The following TBC1D4 variants were observed in gnomAD, a reference collection of about 807,000 sequenced individuals.
TBC1D4 encodes TBC (Tre-2, BUB2, CDC16) domain-containing protein.
In TBC1D4, 121 loss-of-function variants were observed where a neutral mutation model predicts 142.5. The observed-to-expected ratio is 0.85, with a 90% CI of 0.73 to 0.99. The LOEUF is 0.99. Ranked by LOEUF, TBC1D4 falls within the 50% of genes least tolerant of loss-of-function variation. TBC1D4 has a pLI of 0.00. For synonymous variants in TBC1D4, 630 were observed against 628.2 expected, an observed-to-expected ratio of 1.00 and a Z score of -0.04; for missense variants, 1,475 against 1,606.6, an observed-to-expected ratio of 0.92 and a Z score of 1.40.
intron 1 of TBC1D4, among the ~76,000 whole-genome samples, chr13:75,475,261 T>C (rs904551361): frequency 2.6e-5 from 4 of 152,238 alleles, no homozygotes; most frequent in Non-Finnish European, 5.9e-5. Flanking sequence ...ATGCAGACCA[T>C]ATGTCAAGAA....
At chr13:75,376,768 T>G (rs1883534263) in intron 1 of TBC1D4, among the ~76,000 whole-genome samples, 3 of 152,246 alleles carry the variant, frequency 2.0e-5, no homozygotes, top group Non-Finnish European at 2.9e-5. Flanking sequence ...AAAACTTACT[T>G]CAACCAGTAA....
chr13:75,378,763 C>A (rs1304287901), intron 1 of TBC1D4, among the ~76,000 whole-genome samples: 1 of 152,042 alleles, frequency 6.6e-6, no homozygotes, highest in East Asian at 1.9e-4. Flanking sequence ...AAAAAATTAT[C>A]TATTAAAAAC....
chr13:75,444,537 T>C (rs1415763872), intron 1 of TBC1D4, among the ~76,000 whole-genome samples: 1 of 152,220 alleles, frequency 6.6e-6, no homozygotes, highest in Non-Finnish European at 1.5e-5. Context: ...TAATTTCACA[T>C]TATAAATAAG....
chr13:75,385,535 C>T (rs928657399), intron 1 of TBC1D4, among the ~76,000 whole-genome samples: 1 of 152,208 alleles, frequency 6.6e-6, no homozygotes, highest in Admixed American at 6.5e-5. Context: ...ACGCTGATAA[C>T]AGCCTCTGCG....
chr13:75,415,243 A>C (rs1230661351), intron 1 of TBC1D4, among the ~76,000 whole-genome samples: 1 of 152,160 alleles, frequency 6.6e-6, no homozygotes, highest in East Asian at 1.9e-4. Flanking sequence ...AATTGGTTTT[A>C]GACATACTGA....
intron 5 of TBC1D4, among the ~76,000 whole-genome samples, chr13:75,346,338 C>T (rs1881147021): frequency 6.6e-6 from 1 of 152,156 alleles, no homozygotes; most frequent in African/African-American, 2.4e-5. Context: ...TGATGTTCCC[C>T]TCCCTGTGTC....
chr13:75,320,236 C>T (rs1878641181), intron 11 of TBC1D4, among the ~76,000 whole-genome samples, 199 bp from the exon 12 acceptor site: 2 of 151,846 alleles, frequency 1.3e-5, no homozygotes, highest in African/African-American at 2.4e-5. Context: ...CCACAAAGTA[C>T]TTCATCATCA....
intron 1 of TBC1D4, among the ~76,000 whole-genome samples, chr13:75,433,317 GCACT>G (rs1405654836): frequency 6.6e-6 from 1 of 152,120 alleles, no homozygotes; most frequent in Non-Finnish European, 1.5e-5. Context: ...TTACTATGTA[GCACT>G]CACTAAGTAT....
At chr13:75,443,054 A>T (rs1887117084) in intron 1 of TBC1D4, among the ~76,000 whole-genome samples, 1 of 152,116 alleles carries the variant, frequency 6.6e-6, no homozygotes, top group Admixed American at 6.6e-5. Context: ...TGTTTATTTG[A>T]TGAAGTTTAT....
intron 1 of TBC1D4, among the ~76,000 whole-genome samples, chr13:75,437,506 G>A (rs534090311): frequency 2.6e-5 from 4 of 151,954 alleles, no homozygotes; most frequent in Non-Finnish European, 5.9e-5. Context: ...AAACAAAAAG[G>A]TTTCTTAAAT....
intron 1 of TBC1D4, among the ~76,000 whole-genome samples, chr13:75,443,480 C>G (rs941998026): frequency 6.6e-6 from 1 of 152,196 alleles, no homozygotes; most frequent in Non-Finnish European, 1.5e-5. Context: ...CTAGAATATA[C>G]AGAGGGGCTG....
At chr13:75,435,872 C>G (rs750147062) in intron 1 of TBC1D4, among the ~76,000 whole-genome samples, 1 of 152,150 alleles carries the variant, frequency 6.6e-6, no homozygotes, top group African/African-American at 2.4e-5. Context: ...GAAATAATGA[C>G]AGTAACTGGT....
chr13:75,407,207 C>A (rs568113072), intron 1 of TBC1D4, among the ~76,000 whole-genome samples: 6 of 152,336 alleles, frequency 3.9e-5, no homozygotes. Flanking sequence ...ACAAACTCAA[C>A]AGCATTCCAA....
intron 4 of TBC1D4, among the ~76,000 whole-genome samples, chr13:75,355,792 T>C (rs889821913): frequency 1.3e-5 from 2 of 152,222 alleles, no homozygotes. Flanking sequence ...TACTCTGCAA[T>C]GTTATAGCAG....
chr13:75,346,764 GA>G (rs1187025960), intron 5 of TBC1D4, among the ~76,000 whole-genome samples: 7 of 145,652 alleles, frequency 4.8e-5, no homozygotes, highest in Admixed American at 6.8e-5. Flanking sequence ...CAAAGTTTTT[GA>G]AAAAAAAAAT....
At chr13:75,461,642 T>A (rs1489162775) in intron 1 of TBC1D4, among the ~76,000 whole-genome samples, 1 of 152,242 alleles carries the variant, frequency 6.6e-6, no homozygotes, top group East Asian at 1.9e-4. Context: ...AAAAGCACTA[T>A]CATTAAAATT....
rs55954112 is a variant in TBC1D4 at position 75,348,954 on chromosome 13, A to AGTGTGTGTGT, written c.1408+206_1408+215dup. Among the ~76,000 whole-genome samples the AGTGTGTGTGT allele has an allele frequency of 1.5e-3, 207 of 139,158 alleles. 1 individual carries two copies. The highest frequency in any genetic ancestry group is 4.7e-3 in the African/African-American group (169 of 36,318). 91.3% of individuals were successfully genotyped at this position (139,158 alleles called of 152,430 possible). On this transcript the variant is annotated intron_variant, in intron 5 of 20. Transcript: ENST00000377636. ...GGAGAGAGAGTAGAGAGAGAGAGAG[A>AGTGTGTGTGT]GTGTGTGTGTGTGTGTGTGTGTGTG...
At chr13:75,388,675 T>C (rs1001367080) in intron 1 of TBC1D4, among the ~76,000 whole-genome samples, 2 of 152,238 alleles carry the variant, frequency 1.3e-5, no homozygotes, top group South Asian at 2.1e-4. Context: ...AAAAGACAAA[T>C]AACATCTTAA....
intron 1 of TBC1D4, among the ~76,000 whole-genome samples, chr13:75,433,685 G>A (rs539104990): frequency 7.4e-4 from 112 of 152,068 alleles, no homozygotes; most frequent in African/African-American, 2.5e-3. Context: ...AAAAGAGAAC[G>A]GCAAATTAAA....
Sources: gnomAD v4.1 joint callset for allele counts (sites outside exome capture counted in the v4.1 genomes callset) on GRCh38, gnomAD v4.1.1 for gene constraint, MANE v1.5 for transcripts, NCBI Gene and HGNC (gene_info 2026-07-23, HGNC 2026-07-21) for gene names.